CNFN: variants seen among roughly 807,000 people sequenced by gnomAD.
CNFN encodes the protein cornefied envelope protein cornefilin.
Under a neutral mutation model 14.9 loss-of-function variants are expected in CNFN, and 10 were observed. That is an observed-to-expected ratio of 0.67 (90% confidence interval 0.41 to 1.14). CNFN has a LOEUF of 1.14. Among genes scored for constraint, CNFN ranks in the 50% most tolerant of loss-of-function variants. CNFN has a pLI of 0.00. For synonymous variants in CNFN, 66 were observed against 60.0 expected (o/e 1.10, Z -0.46); for missense variants, 165 against 152.8 (o/e 1.08, Z -0.42).
At chr19:42,389,797 C>G (rs1390086607) in intron 1 of CNFN, among the ~76,000 whole-genome samples, 1 of 152,222 alleles carries the variant, frequency 6.6e-6, no homozygotes, top group African/African-American at 2.4e-5. Context: ...GGACCCTCCC[C>G]ATACCCGAGA....
At chr19:42,387,545 G>A (rs1371987514) in intron 2 of CNFN, 69 bp from the exon 3 acceptor site, 2 of 1,293,622 alleles carry the variant, frequency 1.5e-6, no homozygotes, top group Admixed American at 2.7e-5. Flanking sequence ...CCCGGGGGGG[G>A]CGCGGTTGAT....
Position 42,387,348 on chromosome 19 carries a change from G to A in CNFN, c.241C>T (p.His81Tyr), listed in dbSNP as rs765576833. ...CCCAGCCCGGCGCGCACCTGGATGT[G>A]GTAGCGCTCCCGCATGCCGGTGCGG... ...SIRTGMRERY[H>Y]IQGSVGHDWA... The change falls in exon 3 of 4, where the codon CAC (histidine) becomes TAC (tyrosine). Residue 81 changes from histidine (H) to tyrosine (Y), a missense_variant. Transcript: ENST00000222032. 2 of 1,597,018 alleles carry A rather than the reference G, an allele frequency of 1.3e-6. No individual in the cohort carries two copies. Among genetic ancestry groups the A allele is most frequent in the Non-Finnish European group, 1.7e-6 (2 of 1,172,866 alleles).
rs1315574024 is a variant in CNFN, at chr19:42,387,129, GGACGGGGAA to G, written c.*15_*23del. On this transcript the variant is annotated 3_prime_UTR_variant, in exon 4 of 4. Transcript: ENST00000222032. ...GGCCAGAGGCGAGACTGGTGGAAAA[GGACGGGGAA>G]GACAGGGAACTTCCTTACTCTCGGA... The G allele has an allele frequency of 6.2e-7, 1 of 1,612,510 alleles. No individual in the cohort carries two copies. The highest frequency in any genetic ancestry group is 8.5e-7 in the Non-Finnish European group (1 of 1,178,686).
At chr19:42,387,541 G>C (rs546855019) in intron 2 of CNFN, 65 bp from the exon 3 acceptor site, 4 of 1,331,894 alleles carry the variant, frequency 3.0e-6, no homozygotes, top group Admixed American at 5.3e-5. Flanking sequence ...CCGCCCCGGG[G>C]GGGGCGCGGT....
Position 42,387,238 on chromosome 19 carries a change from G to A in CNFN, c.254C>T (p.Ser85Phe). The A allele has an allele frequency of 1.9e-6, 3 of 1,613,956 alleles. No homozygotes were observed. Among genetic ancestry groups the A allele is most frequent in the Non-Finnish European group, 2.5e-6 (3 of 1,179,932 alleles). Residue 85 changes from serine (S) to phenylalanine (F), a missense_variant, in exon 4 of 4, where the codon TCC becomes TTC. By Grantham distance (155) the Ser-to-Phe change is radical. Transcript: ENST00000222032. Reference protein sequence around the residue: ...GMRERYHIQGSVGHDWAALTF... With the variant: ...GMRERYHIQGFVGHDWAALTF... The stretch of plus-strand genomic sequence containing the variant: ...GAGGGCCGCCCAGTCGTGCCCGACG[G>A]AGCCCTAGAGGGTAGGAGAGAGCGG...
chr19:42,387,570 C>T, intron 2 of CNFN, 94 bp from the exon 3 acceptor site: 3 of 880,466 alleles, frequency 3.4e-6, no homozygotes, highest in Middle Eastern at 3.5e-4. Context: ...CGCGGAGGGG[C>T]ATTGAGGGTC....
rs749868634 is a variant in CNFN, at chr19:42,388,978, C to G, written c.60G>C (p.Gln20His). Reference sequence around the variant, plus strand: ...TGAGACCTGTGTGCCAGTCACTGAGCTGGGTCTGGTAGCAGCTGGTGGTGG... The same window carrying G: ...TGAGACCTGTGTGCCAGTCACTGAGGTGGGTCTGGTAGCAGCTGGTGGTGG... ...QCATTSCYQT[Q>H]LSDWHTGLTD... The change falls in exon 2 of 4, where the codon CAG (glutamine) becomes CAC (histidine). Residue 20 changes from glutamine (Q) to histidine (H), a missense_variant. By Grantham distance (24) the Gln-to-His change is conservative. Transcript: ENST00000222032. 13 of 1,613,840 alleles carry G rather than the reference C, an allele frequency of 8.1e-6. No homozygotes were observed. Among genetic ancestry groups the G allele is most frequent in the Non-Finnish European group, 1.0e-5 (12 of 1,180,012 alleles).
chr19:42,387,035 T>C lies in CNFN; in HGVS notation c.*118A>G, dbSNP rs191710314. On this transcript the variant is annotated 3_prime_UTR_variant, in exon 4 of 4. Coordinates refer to ENST00000222032, the MANE Select transcript of CNFN (RefSeq NM_032488.4). ...TAGGCGGAGTTGGTTTTCAGGTTTT[T>C]ATTGTGGGTGTATTTCTGGCAGCGG... The C allele has an allele frequency of 2.8e-4, 282 of 1,010,174 alleles. 2 individuals are homozygous for C. The African/African-American group carries it at 3.9e-3, about 14-fold the overall frequency. The allele number at this position is 1,010,174 out of a possible 1,614,324, so 62.6% of individuals were successfully genotyped here. A position where few individuals can be genotyped will look rare whatever the true frequency, so the allele number is the denominator to read the frequency against.
chr19:42,387,071 G>T lies in CNFN; in HGVS notation c.*82C>A. On this transcript the variant is annotated 3_prime_UTR_variant, in exon 4 of 4. Transcript: ENST00000222032. ...TATTTCTGGCAGCGGGACAGGGGTG[G>T]TGAGGCAGTCCCTCCCAGGAGTGGC... The T allele has an allele frequency of 7.3e-7, 1 of 1,368,766 alleles. No homozygotes were observed. The highest frequency in any genetic ancestry group is 1.0e-6 in the Non-Finnish European group (1 of 959,132). The allele number at this position is 1,368,766 out of a possible 1,614,324, so 84.8% of individuals were successfully genotyped here.
At chr19:42,389,398 C>T (rs1011303198) in intron 1 of CNFN, 15 of 1,108,582 alleles carry the variant, frequency 1.4e-5, no homozygotes, top group African/African-American at 6.4e-5. Flanking sequence ...TGGAAGCAGG[C>T]GCCGTCTGTC....
At position 42,387,390 on chromosome 19, in the gene CNFN, C is replaced by T; in HGVS notation, c.199G>A (p.Gly67Arg). 6.2e-7 allele frequency: 1 copy of T among 1,601,320 alleles called. No individual in the cohort carries two copies. Among genetic ancestry groups the T allele is most frequent in the Non-Finnish European group, 8.5e-7 (1 of 1,175,332 alleles). Residue 67 changes from glycine (G) to arginine (R), a missense_variant, in exon 3 of 4, where the codon GGA becomes AGA. Coordinates refer to ENST00000222032, the MANE Select transcript of CNFN (RefSeq NM_032488.4). ...CCGGTGCGGATGGAGTGCAGGCCTC[C>T]GGGCAGGTAGGGCGCGCAGCAGCAC... The part of the protein sequence containing the change: ...GECCCAPYLP[G>R]GLHSIRTGMR...
At position 42,389,439 on chromosome 19, in the gene CNFN, C is replaced by T. The variant is rs575451716; in HGVS notation, c.-2-400G>A. Reference sequence around the variant, plus strand: ...AGCAAGGGTGCCCAGGGGAGGGAGGCGGCCAGGTTCCAGTACTGAGAGGGT... The same window carrying T: ...AGCAAGGGTGCCCAGGGGAGGGAGGTGGCCAGGTTCCAGTACTGAGAGGGT... On this transcript the variant is annotated intron_variant, in intron 1 of 3. Coordinates refer to ENST00000222032, the MANE Select transcript of CNFN (RefSeq NM_032488.4). 1.9e-4 allele frequency: 246 copies of T among 1,285,128 alleles called. No individual in the cohort carries two copies. In the African/African-American group the frequency reaches 2.0e-3, roughly 11 times the overall value. 79.6% of individuals were successfully genotyped at this position (1,285,128 alleles called of 1,614,324 possible). A position where few individuals can be genotyped will look rare whatever the true frequency, so the allele number is the denominator to read the frequency against.
intron 1 of CNFN, among the ~76,000 whole-genome samples, chr19:42,389,832 T>A (rs1452787385): frequency 6.6e-6 from 1 of 151,760 alleles, no homozygotes; most frequent in Non-Finnish European, 1.5e-5. Flanking sequence ...GAACAAGAAA[T>A]GGAGATGGAC....
Position 42,388,963 on chromosome 19 carries a change from G to A in CNFN, c.75C>T (p.His25=), listed in dbSNP as rs777714050. 1 of 1,613,908 alleles carries A rather than the reference G, an allele frequency of 6.2e-7. No homozygotes were observed. The highest frequency in any genetic ancestry group is 8.5e-7 in the Non-Finnish European group (1 of 1,179,982). ...SCYQTQLSDW[H]TGLTDCCNDM... is the part of the protein sequence containing the mutation. ...CGTTGCAGCAGTCCGTGAGACCTGT[G>A]TGCCAGTCACTGAGCTGGGTCTGGT... The change falls in exon 2 of 4, where the codon CAC becomes CAT. Residue 25 remains histidine, a synonymous_variant. Coordinates refer to ENST00000222032, the MANE Select transcript of CNFN (RefSeq NM_032488.4).
At position 42,387,260 on chromosome 19, in the gene CNFN, G is replaced by A; in HGVS notation, c.250-18C>T. On this transcript the variant is annotated intron_variant, in intron 3 of 3. Coordinates refer to ENST00000222032, the MANE Select transcript of CNFN (RefSeq NM_032488.4). ...ACGGAGCCCTAGAGGGTAGGAGAGA[G>A]CGGTCAGGAGCCCCGCGGTGGGTCC... 1 of 1,611,516 alleles carries A rather than the reference G, an allele frequency of 6.2e-7. No homozygotes were observed. Among genetic ancestry groups the A allele is most frequent in the Non-Finnish European group, 8.5e-7 (1 of 1,178,518 alleles).
intron 1 of CNFN, among the ~76,000 whole-genome samples, 151 bp downstream of exon 1, chr19:42,390,089 T>TG (rs1455538442): frequency 6.6e-6 from 1 of 152,166 alleles, no homozygotes; most frequent in African/African-American, 2.4e-5. Flanking sequence ...AGGACAGATT[T>TG]GGGGGCATTG....
Position 42,388,930 on chromosome 19 carries a change from A to G in CNFN, c.108T>C (p.Pro36=), listed in dbSNP as rs138863084. The change falls in exon 2 of 4, where the codon CCT becomes CCC. Residue 36 remains proline, a synonymous_variant. Coordinates refer to ENST00000222032, the MANE Select transcript of CNFN (RefSeq NM_032488.4). ...TGLTDCCNDM[P]VCLCGTFAPL... is the part of the protein sequence containing the mutation. ...AGGGAGCAGGCAGGCACTCACAGAC[A>G]GGCATGTCGTTGCAGCAGTCCGTGA... The G allele has an allele frequency of 9.5e-5, 153 of 1,610,804 alleles. No homozygotes were observed. Among genetic ancestry groups the G allele is most frequent in the Non-Finnish European group, 1.2e-4 (143 of 1,177,784 alleles).
chr19:42,387,588 A>G, intron 2 of CNFN, 112 bp from the exon 3 acceptor site: 6 of 722,520 alleles, frequency 8.3e-6, no homozygotes, highest in Middle Eastern at 3.9e-4. Context: ...GTCCCAGCCA[A>G]GGAGAGGTCC....
rs144536707 is a variant in CNFN at position 42,388,950 on chromosome 19, C to A, written c.88G>T (p.Asp30Tyr). The A allele has an allele frequency of 1.1e-4, 174 of 1,613,662 alleles. No homozygotes were observed. In the African/African-American group the frequency reaches 2.1e-3, roughly 20 times the overall value. Residue 30 changes from aspartate (D) to tyrosine (Y), a missense_variant, in exon 2 of 4, where the codon GAC (aspartate) becomes TAC (tyrosine). Asp to Tyr is a radical substitution (Grantham distance 160). Transcript: ENST00000222032. ...CAGACAGGCATGTCGTTGCAGCAGTCCGTGAGACCTGTGTGCCAGTCACTG... is the reference window on the plus strand; with the variant it reads ...CAGACAGGCATGTCGTTGCAGCAGTACGTGAGACCTGTGTGCCAGTCACTG... ...QLSDWHTGLT[D>Y]CCNDMPVCLC... is the part of the protein sequence containing the mutation.
Sources: gnomAD v4.1 joint callset for allele counts (sites outside exome capture counted in the v4.1 genomes callset) on GRCh38, gnomAD v4.1.1 for gene constraint, MANE v1.5 for transcripts, NCBI Gene and HGNC (gene_info 2026-07-23, HGNC 2026-07-21) for gene names.